Variants in TMOD2 observed in about 807,000 individuals in gnomAD.
The protein encoded by TMOD2 is tropomodulin-2.
TMOD2 carries 22 observed loss-of-function variants against 39.9 expected under a neutral mutation model. The observed-to-expected ratio is 0.55, with a 90% CI of 0.39 to 0.79. The LOEUF (loss-of-function observed/expected upper bound fraction) is 0.79. Among genes scored for constraint, TMOD2 ranks in the 30% least tolerant of loss-of-function variants. The pLI, the probability that TMOD2 is intolerant of heterozygous loss-of-function variation, is 0.00. For missense variants in TMOD2, 386 were observed against 413.3 expected (o/e 0.93, Z 0.57); for synonymous variants, 123 against 146.1 (o/e 0.84, Z 1.14).
rs971443574 is a variant in TMOD2 at position 51,814,729 on chromosome 15, A to G, written c.*6275A>G. On this transcript the variant is annotated 3_prime_UTR_variant, in exon 10 of 10. Transcript: ENST00000249700. The stretch of plus-strand genomic sequence containing the variant: ...TCTGTAAAATGAAGTGAGTAGATTC[A>G]ATGCTCCCTAAGGTCCCTTCCAGCT... 1 of 152,178 alleles carries G rather than the reference A, an allele frequency of 6.6e-6. No homozygotes were observed. The highest frequency in any genetic ancestry group is 1.5e-5 in the Non-Finnish European group (1 of 68,044). 9.4% of individuals were successfully genotyped at this position (152,178 alleles called of 1,614,324 possible).
At chr15:51,793,702 CCT>C (rs1355956691) in intron 7 of TMOD2, among the ~76,000 whole-genome samples, 10 of 152,174 alleles carry the variant, frequency 6.6e-5, no homozygotes, top group African/African-American at 2.2e-4. Flanking sequence ...CTGGCTCGCC[CCT>C]GTTTTGTTCA....
intron 7 of TMOD2, among the ~76,000 whole-genome samples, chr15:51,794,732 A>C (rs2056036332): frequency 6.6e-6 from 1 of 152,212 alleles, no homozygotes; most frequent in African/African-American, 2.4e-5. Flanking sequence ...AGTAATATAC[A>C]GAAATTTATA....
At chr15:51,787,855 C>A (rs1031996436) in intron 7 of TMOD2, among the ~76,000 whole-genome samples, 3 of 152,156 alleles carry the variant, frequency 2.0e-5, no homozygotes, top group African/African-American at 7.2e-5. Flanking sequence ...CCATAGGTCA[C>A]CAACATCAAA....
intron 5 of TMOD2, among the ~76,000 whole-genome samples, chr15:51,779,307 C>T (rs960966311): frequency 6.6e-6 from 1 of 152,130 alleles, no homozygotes; most frequent in African/African-American, 2.4e-5. Flanking sequence ...CGTACACATA[C>T]AAATATTAAC....
chr15:51,798,281 G>T lies in TMOD2; in HGVS notation c.817G>T (p.Ala273Ser). ...TTTTATCACTGGAACTGGGATCCTGGCCCTGGTAGAGGCACTGAAAGAAAA... is the reference window on the plus strand; with the variant it reads ...TTTTATCACTGGAACTGGGATCCTGTCCCTGGTAGAGGCACTGAAAGAAAA... Reference protein sequence around the residue: ...SNFITGTGILALVEALKENDT... With the variant: ...SNFITGTGILSLVEALKENDT... Residue 273 changes from alanine (A) to serine (S), a missense_variant, in exon 8 of 10, where the codon GCC (alanine) becomes TCC (serine). Transcript: ENST00000249700. 6.2e-7 allele frequency: 1 copy of T among 1,613,902 alleles called. No individual in the cohort carries two copies. The highest frequency in any genetic ancestry group is 8.5e-7 in the Non-Finnish European group (1 of 1,179,968).
chr15:51,768,457 T>A (rs1259070458), intron 3 of TMOD2, 39 bp downstream of exon 3: 4 of 1,517,836 alleles, frequency 2.6e-6, no homozygotes, highest in Non-Finnish European at 3.5e-6. Flanking sequence ...ACAGAGGTTC[T>A]CTCTTTTTTT....
chr15:51,805,381 G>T, intron 8 of TMOD2, among the ~76,000 whole-genome samples: 1 of 151,986 alleles, frequency 6.6e-6, no homozygotes. Flanking sequence ...TGTAGTCCAG[G>T]AACCCCCTTC....
At chr15:51,775,295 T>C (rs180911847) in intron 4 of TMOD2, among the ~76,000 whole-genome samples, 95 of 152,200 alleles carry the variant, frequency 6.2e-4, no homozygotes, top group African/African-American at 2.2e-3. Context: ...CCCTAAACTG[T>C]GGGAGCTCTG....
chr15:51,787,278 G>T (rs1446836133), intron 7 of TMOD2, among the ~76,000 whole-genome samples: 2 of 152,226 alleles, frequency 1.3e-5, no homozygotes, highest in Non-Finnish European at 2.9e-5. Context: ...TTGGCGGGGG[G>T]AGGGGCATCT....
At chr15:51,799,057 T>TC (rs2056071331) in intron 8 of TMOD2, among the ~76,000 whole-genome samples, 1 of 152,172 alleles carries the variant, frequency 6.6e-6, no homozygotes, top group Admixed American at 6.5e-5. Context: ...TGCAGTGCCT[T>TC]CCGAGTTGCT....
intron 7 of TMOD2, among the ~76,000 whole-genome samples, chr15:51,794,161 A>G (rs1473228813): frequency 6.6e-6 from 1 of 152,136 alleles, no homozygotes; most frequent in Non-Finnish European, 1.5e-5. Flanking sequence ...ACATCTAGTG[A>G]GTCTCAGAGG....
At chr15:51,760,259 A>G (rs1427215722) in intron 1 of TMOD2, among the ~76,000 whole-genome samples, 3 of 152,240 alleles carry the variant, frequency 2.0e-5, no homozygotes, top group Non-Finnish European at 4.4e-5. Context: ...TCTGAAACAC[A>G]TGTCACTGGG....
Position 51,789,775 on chromosome 15 carries a change from A to T in TMOD2, c.732+6947A>T, listed in dbSNP as rs140326539. Among the ~76,000 whole-genome samples, 570 of 152,336 alleles carry T rather than the reference A, an allele frequency of 3.7e-3. 6 individuals are homozygous for T. The highest frequency in any genetic ancestry group is 0.013 in the African/African-American group (554 of 41,578). ...TAAATGACTACTGGGTAAATAACGA[A>T]ATGAAGGCAGAAATAAAGATGTCCT... On this transcript the variant is annotated intron_variant, in intron 7 of 9. Coordinates refer to ENST00000249700, the MANE Select transcript of TMOD2 (RefSeq NM_014548.4).
At chr15:51,752,043 G>A (rs2055708259) in intron 1 of TMOD2, among the ~76,000 whole-genome samples, 2 of 151,936 alleles carry the variant, frequency 1.3e-5, no homozygotes, top group African/African-American at 4.8e-5. Flanking sequence ...CGGGCTGCGG[G>A]GCTGTGTTCT....
intron 7 of TMOD2, among the ~76,000 whole-genome samples, chr15:51,790,648 T>C (rs998977660): frequency 6.6e-6 from 1 of 152,170 alleles, no homozygotes; most frequent in Admixed American, 6.5e-5. Context: ...TCAAAAAGCT[T>C]ATCCACTATG....
chr15:51,773,770 C>T lies in TMOD2; in HGVS notation c.342C>T (p.Thr114=), dbSNP rs1344885885. The T allele has an allele frequency of 1.9e-6, 3 of 1,613,482 alleles. No individual in the cohort carries two copies. In the South Asian group the frequency reaches 3.3e-5, roughly 18 times the overall value. Residue 114 remains threonine, a synonymous_variant, in exon 4 of 10, where the codon ACC becomes ACT. Coordinates refer to ENST00000249700, the MANE Select transcript of TMOD2 (RefSeq NM_014548.4). ...AAACTCGTAAAGAAGAAAAAGTGAC[C>T]CTTGACCCAGAACTGGAAGAAGCTT... ...PIETRKEEKV[T]LDPELEEALA...
At chr15:51,803,116 G>A (rs1379383436) in intron 8 of TMOD2, among the ~76,000 whole-genome samples, 1 of 151,640 alleles carries the variant, frequency 6.6e-6, no homozygotes. Context: ...AAAAGATGGT[G>A]GGATAATTTG....
At chr15:51,765,044 C>T (rs1446390017) in intron 1 of TMOD2, among the ~76,000 whole-genome samples, 1 of 151,742 alleles carries the variant, frequency 6.6e-6, no homozygotes, top group East Asian at 2.0e-4. Context: ...ACTCTGTCAC[C>T]CAGGCTGGAG....
At chr15:51,798,363 C>G in intron 8 of TMOD2, 23 bp downstream of exon 8, 1 of 1,612,350 alleles carries the variant, frequency 6.2e-7, no homozygotes, top group Non-Finnish European at 8.5e-7. Context: ...AGAGAATAGG[C>G]AAAGTCAACT....
Sources: gnomAD v4.1 joint callset for allele counts (sites outside exome capture counted in the v4.1 genomes callset) on GRCh38, gnomAD v4.1.1 for gene constraint, MANE v1.5 for transcripts, NCBI Gene and HGNC (gene_info 2026-07-23, HGNC 2026-07-21) for gene names.